YAF2: variants seen among roughly 807,000 people sequenced by gnomAD.
The protein encoded by YAF2 is YY1 associated factor 2.
A neutral mutation model predicts 20.1 loss-of-function variants in YAF2; 7 were observed. That is an observed-to-expected ratio of 0.35 (90% CI 0.20 to 0.65). The LOEUF (loss-of-function observed/expected upper bound fraction) is 0.65, where lower values mean the gene tolerates loss of function less well. Ranked by LOEUF, YAF2 falls within the 30% of genes least tolerant of loss-of-function variation. The pLI is 0.69. For missense variants in YAF2, 151 were observed against 219.2 expected, an observed-to-expected ratio of 0.69 and a Z score of 1.96; for synonymous variants, 74 against 76.0, an observed-to-expected ratio of 0.97 and a Z score of 0.14.
intron 2 of YAF2, chr12:42,234,634 T>C: frequency 1.0e-6 from 1 of 984,742 alleles, no homozygotes; most frequent in Non-Finnish European, 1.2e-6. Flanking sequence ...GAAATGGGCT[T>C]CTGTTGCATA....
chr12:42,215,791 T>C (rs1284555561), intron 2 of YAF2, among the ~76,000 whole-genome samples: 1 of 151,992 alleles, frequency 6.6e-6, no homozygotes, highest in Non-Finnish European at 1.5e-5. Flanking sequence ...CCAGGCATGA[T>C]TGCACCTGTA....
chr12:42,201,999 T>G (rs1464670662), intron 2 of YAF2, among the ~76,000 whole-genome samples: 1 of 152,230 alleles, frequency 6.6e-6, no homozygotes, highest in African/African-American at 2.4e-5. Flanking sequence ...ATCCTAAAGT[T>G]GCATACTCAT....
chr12:42,194,431 G>A (rs1019984002), intron 2 of YAF2, among the ~76,000 whole-genome samples: 6 of 152,134 alleles, frequency 3.9e-5, no homozygotes, highest in African/African-American at 1.4e-4. Flanking sequence ...ATCACCTGAG[G>A]TCAGGAGTTC....
At chr12:42,235,386 A>C in intron 2 of YAF2, 2 of 1,021,286 alleles carry the variant, frequency 2.0e-6, no homozygotes, top group Non-Finnish European at 2.3e-6. Context: ...GAGAGGAAAA[A>C]TATTAATATT....
chr12:42,232,919 A>T (rs970098173), intron 2 of YAF2: 7 of 985,428 alleles, frequency 7.1e-6, no homozygotes, highest in Non-Finnish European at 8.4e-6. Flanking sequence ...TTCAGCCTAC[A>T]CATAAAGGAA....
At chr12:42,216,662 A>G (rs1055660830) in intron 2 of YAF2, among the ~76,000 whole-genome samples, 11 of 152,212 alleles carry the variant, frequency 7.2e-5, no homozygotes, top group Non-Finnish European at 4.4e-5. Context: ...AATCATGTGT[A>G]CAAATGACTA....
chr12:42,230,999 T>C lies in YAF2; in HGVS notation c.152+6600A>G, dbSNP rs187608680. Among the ~76,000 whole-genome samples, 263 of 152,310 alleles carry C rather than the reference T, an allele frequency of 1.7e-3. 1 individual carries two copies. Among genetic ancestry groups the C allele is most frequent in the African/African-American group, 5.9e-3 (247 of 41,566 alleles). On this transcript the variant is annotated intron_variant, in intron 2 of 3. Transcript: ENST00000534854. ...CTATAAAGGAAATAAAAAGAATACC[T>C]GCTGAAGTAAAGCCATTGCATGTAG... is the stretch of plus-strand genomic sequence containing the variant.
In YAF2 at chr12:42,161,607, AT is replaced by A; in HGVS notation, c.305+5del. ...AAAAATGTCATAAAACACTCTTCAC[AT>A]TTACCTGGTTTTCTTATGGCTATTC... On this transcript the variant is annotated splice_donor_5th_base_variant and intron_variant, in intron 3 of 3. Coordinates refer to ENST00000534854, the MANE Select transcript of YAF2 (RefSeq NM_005748.6). The A allele has an allele frequency of 6.3e-7, 1 of 1,575,286 alleles. No homozygotes were observed. Among genetic ancestry groups the A allele is most frequent in the Non-Finnish European group, 8.6e-7 (1 of 1,165,632 alleles).
intron 2 of YAF2, among the ~76,000 whole-genome samples, chr12:42,192,688 G>A (rs1205967804): frequency 1.3e-5 from 2 of 152,164 alleles, no homozygotes; most frequent in African/African-American, 2.4e-5. Context: ...GGTGGCTTAG[G>A]GTAGCTGACA....
At chr12:42,195,819 G>A (rs17091023) in intron 2 of YAF2, among the ~76,000 whole-genome samples, 3,423 of 152,176 alleles carry the variant, frequency 0.022, 124 homozygotes, top group African/African-American at 0.078. Context: ...CAGATCCTAC[G>A]GGAGCACAGA....
In YAF2 at chr12:42,223,355, C is replaced by CACACACACAT. The variant is rs947742046; in HGVS notation, c.152+14243_152+14244insATGTGTGTGT. Reference sequence around the variant, plus strand: ...ATACACACACACACACACACACACACATATATATACACACAAACAAAAAGA... The same window carrying CACACACACAT: ...ATACACACACACACACACACACACACACACACACATATATATATACACACAAACAAAAAGA... On this transcript the variant is annotated intron_variant, in intron 2 of 3. Coordinates refer to ENST00000534854, the MANE Select transcript of YAF2 (RefSeq NM_005748.6). Among the ~76,000 whole-genome samples, 240 of 150,046 alleles carry CACACACACAT rather than the reference C, an allele frequency of 1.6e-3. 1 individual carries two copies. The highest frequency in any genetic ancestry group is 5.6e-3 in the African/African-American group (226 of 40,446).
intron 2 of YAF2, chr12:42,205,777 G>T (rs1042841175): frequency 6.0e-5 from 14 of 234,080 alleles, no homozygotes; most frequent in African/African-American, 2.3e-4. Flanking sequence ...TGAAGAGCTG[G>T]CTCATTTATT....
chr12:42,200,570 T>C (rs1209949288), intron 2 of YAF2, among the ~76,000 whole-genome samples: 1 of 152,232 alleles, frequency 6.6e-6, no homozygotes, highest in Non-Finnish European at 1.5e-5. Context: ...CATATAAGTA[T>C]TTTAAAAGCT....
chr12:42,183,630 G>C (rs2066400095), intron 2 of YAF2, among the ~76,000 whole-genome samples: 1 of 152,112 alleles, frequency 6.6e-6, no homozygotes, highest in Non-Finnish European at 1.5e-5. Context: ...GGCTGAAAGA[G>C]GTGAGGAAGC....
chr12:42,185,235 G>A (rs954434983), intron 2 of YAF2, among the ~76,000 whole-genome samples: 1 of 152,142 alleles, frequency 6.6e-6, no homozygotes, highest in Non-Finnish European at 1.5e-5. Flanking sequence ...GGAACAAGAA[G>A]ATGTGACTGA....
intron 2 of YAF2, among the ~76,000 whole-genome samples, chr12:42,221,967 A>G (rs1384723770): frequency 6.6e-6 from 1 of 152,246 alleles, no homozygotes; most frequent in Non-Finnish European, 1.5e-5. Flanking sequence ...AACACTCTAG[A>G]AACACTTCAA....
chr12:42,199,746 T>A (rs1347521094), intron 2 of YAF2, among the ~76,000 whole-genome samples: 1 of 152,042 alleles, frequency 6.6e-6, no homozygotes, highest in Non-Finnish European at 1.5e-5. Context: ...TAATACTGAC[T>A]GAGAAAACCA....
intron 2 of YAF2, among the ~76,000 whole-genome samples, chr12:42,215,495 C>T (rs896775898): frequency 1.3e-5 from 2 of 152,176 alleles, no homozygotes; most frequent in Non-Finnish European, 2.9e-5. Flanking sequence ...AAAATATGTG[C>T]TGTGATTTGC....
chr12:42,235,687 T>C, intron 2 of YAF2: 1 of 1,530,644 alleles, frequency 6.5e-7, no homozygotes, highest in Non-Finnish European at 8.7e-7. Context: ...CAAATGACAA[T>C]GCTTCTCTGA....
Sources: gnomAD v4.1 joint callset for allele counts (sites outside exome capture counted in the v4.1 genomes callset) on GRCh38, gnomAD v4.1.1 for gene constraint, MANE v1.5 for transcripts, NCBI Gene and HGNC (gene_info 2026-07-23, HGNC 2026-07-21) for gene names.